The following GNA13 variants were observed in gnomAD, a reference collection of about 807,000 sequenced individuals.
GNA13 encodes the protein guanine nucleotide-binding protein subunit alpha-13.
GNA13 carries 4 observed loss-of-function variants against 33.5 expected under a neutral mutation model. That is an observed-to-expected ratio of 0.12 (90% CI 0.06 to 0.27). The LOEUF (loss-of-function observed/expected upper bound fraction) is 0.27. Among genes scored for constraint, GNA13 ranks in the 10% least tolerant of loss-of-function variants. The probability of loss-of-function intolerance (pLI) is 1.00; values close to 1 mark genes in which losing one functional copy is unlikely to be tolerated. For synonymous variants in GNA13, 176 were observed against 183.8 expected, an observed-to-expected ratio of 0.96 and a Z score of 0.34; for missense variants, 319 against 487.2, an observed-to-expected ratio of 0.65 and a Z score of 3.25.
chr17:65,031,593 T>A (rs1598487788), intron 2 of GNA13, among the ~76,000 whole-genome samples: 1 of 152,190 alleles, frequency 6.6e-6, no homozygotes. Flanking sequence ...TATCGTAAGG[T>A]TTTTATATAC....
At chr17:65,049,030 G>C (rs1449651580) in intron 2 of GNA13, among the ~76,000 whole-genome samples, 1 of 152,020 alleles carries the variant, frequency 6.6e-6, no homozygotes, top group African/African-American at 2.4e-5. Flanking sequence ...CCACTTCCTA[G>C]AAAATTAGGA....
intron 2 of GNA13, among the ~76,000 whole-genome samples, chr17:65,048,698 G>T (rs1210696929): frequency 6.6e-6 from 1 of 152,164 alleles, no homozygotes; most frequent in African/African-American, 2.4e-5. Context: ...CAAATGAGTA[G>T]TCTGCTAAAA....
At chr17:65,029,946 A>T (rs762491698) in intron 2 of GNA13, among the ~76,000 whole-genome samples, 4 of 152,098 alleles carry the variant, frequency 2.6e-5, no homozygotes, top group Non-Finnish European at 5.9e-5. Context: ...CAGAAAAGAG[A>T]TCAACTCAAA....
chr17:65,042,949 T>G (rs146060385), intron 2 of GNA13, among the ~76,000 whole-genome samples: 2 of 152,262 alleles, frequency 1.3e-5, no homozygotes, highest in Non-Finnish European at 2.9e-5. Context: ...TAAAGCCCAT[T>G]AGGAATATTA....
chr17:65,038,393 A>G (rs1437619086), intron 2 of GNA13, among the ~76,000 whole-genome samples: 1 of 71,290 alleles, frequency 1.4e-5, no homozygotes, highest in Non-Finnish European at 2.9e-5. Context: ...ACAGAGCAAG[A>G]CACCATCTCA....
chr17:65,033,789 C>T (rs1396740665), intron 2 of GNA13, among the ~76,000 whole-genome samples: 2 of 151,762 alleles, frequency 1.3e-5, no homozygotes, highest in East Asian at 1.9e-4. Context: ...CCGAGGTGGG[C>T]GGATCACAAG....
At chr17:65,045,742 G>T (rs1458028516) in intron 2 of GNA13, among the ~76,000 whole-genome samples, 1 of 152,120 alleles carries the variant, frequency 6.6e-6, no homozygotes, top group Non-Finnish European at 1.5e-5. Flanking sequence ...AGGATATTAG[G>T]AAAGTTCAGG....
In GNA13 at chr17:65,025,514, C is replaced by G. The variant is rs189670570; in HGVS notation, c.511-7211G>C. Among the ~76,000 whole-genome samples, 6 of 152,260 alleles carry G rather than the reference C, an allele frequency of 3.9e-5. No homozygotes were observed. In the South Asian group the frequency reaches 1.0e-3, roughly 26 times the overall value. ...ATACTCCAGATGTAACATTACTGAACGTGCTGAGAAGCGCGGATGGGAAAA... is the reference window on the plus strand; with the variant it reads ...ATACTCCAGATGTAACATTACTGAAGGTGCTGAGAAGCGCGGATGGGAAAA... On this transcript the variant is annotated intron_variant, in intron 2 of 3. Transcript: ENST00000439174.
In GNA13 at chr17:65,030,124, T is replaced by C. The variant is rs76057434; in HGVS notation, c.511-11821A>G. ...AGTGTTAACATCAATCAAAAAGACA[T>C]CCCATAAAAGTGATAAAGTATCCTG... is the stretch of plus-strand genomic sequence containing the variant. On this transcript the variant is annotated intron_variant, in intron 2 of 3. Coordinates refer to ENST00000439174, the MANE Select transcript of GNA13 (RefSeq NM_006572.6). Among the ~76,000 whole-genome samples, 568 of 152,174 alleles carry C rather than the reference T, an allele frequency of 3.7e-3. 3 individuals carry two copies. Among genetic ancestry groups the C allele is most frequent in the Non-Finnish European group, 6.0e-3 (411 of 67,990 alleles).
intron 1 of GNA13, 50 bp downstream of exon 1, chr17:65,056,261 G>A (rs1908053878): frequency 5.4e-6 from 3 of 560,722 alleles, no homozygotes; most frequent in Non-Finnish European, 6.0e-6. Context: ...ACCCGCCGCC[G>A]CCCCAGCCCC....
chr17:65,056,239 G>GCCCGGCCCCCCCCCCCCCCCCCCCCCCCC, intron 1 of GNA13, 72 bp downstream of exon 1: 10 of 936,162 alleles, frequency 1.1e-5, no homozygotes, highest in Admixed American at 2.2e-5. Flanking sequence ...CCAGGGCGGT[G>GCCCGGCCCCCCCCCCCCCCCCCCCCCCCC]CCCCGCCCCG....
chr17:65,050,361 C>T (rs1025976045), intron 2 of GNA13, among the ~76,000 whole-genome samples: 5 of 152,206 alleles, frequency 3.3e-5, no homozygotes, highest in Admixed American at 6.5e-5. Context: ...ATGCCAAGCA[C>T]CACAGCACAT....
intron 2 of GNA13, among the ~76,000 whole-genome samples, chr17:65,025,118 G>C (rs1057123695): frequency 6.6e-6 from 1 of 151,966 alleles, no homozygotes; most frequent in African/African-American, 2.4e-5. Flanking sequence ...GGGTGGTCTC[G>C]AACTCCTGGA....
chr17:65,050,507 C>T (rs1907824107), intron 2 of GNA13, among the ~76,000 whole-genome samples: 1 of 152,204 alleles, frequency 6.6e-6, no homozygotes, highest in Non-Finnish European at 1.5e-5. Flanking sequence ...GGCAGGAGGA[C>T]TGCTTGAGGT....
intron 2 of GNA13, among the ~76,000 whole-genome samples, chr17:65,022,689 AT>A (rs1196495466): frequency 5.3e-5 from 8 of 152,340 alleles, no homozygotes; most frequent in African/African-American, 1.7e-4. Flanking sequence ...TCACTGCAGA[AT>A]TTCTTCACCA....
At chr17:65,015,662 T>TA (rs59210481) in intron 3 of GNA13, among the ~76,000 whole-genome samples, 57,316 of 74,676 alleles carry the variant, frequency 0.77, 23,114 homozygotes, top group East Asian at 0.93. Flanking sequence ...GACTTTGTCT[T>TA]AAAAAAAAAA....
chr17:65,011,009 T>C lies in GNA13; in HGVS notation c.*3248A>G, dbSNP rs1450079425. 3 of 197,468 alleles carry C rather than the reference T, an allele frequency of 1.5e-5. No individual in the cohort carries two copies. The highest frequency in any genetic ancestry group is 3.1e-5 in the Non-Finnish European group (3 of 95,440). The allele number at this position is 197,468 out of a possible 1,614,324, so 12.2% of individuals were successfully genotyped here. ...GGTAACTTTATTCTTCATATATAAATAAGGCATAATCGGATGTGTATTAAT... is the reference window on the plus strand; with the variant it reads ...GGTAACTTTATTCTTCATATATAAACAAGGCATAATCGGATGTGTATTAAT... On this transcript the variant is annotated 3_prime_UTR_variant, in exon 4 of 4. Transcript: ENST00000439174.
intron 2 of GNA13, among the ~76,000 whole-genome samples, chr17:65,037,777 G>GAAAAAAAAAAAAAAAACAAAAAAA (rs145051963): frequency 1.2e-5 from 1 of 82,042 alleles, no homozygotes; most frequent in Non-Finnish European, 2.1e-5. Flanking sequence ...CTACAAAAAT[G>GAAAAAAAAAAAAAAAACAAAAAAA]GAAAAAAAAA....
chr17:65,036,449 T>C (rs983745335), intron 2 of GNA13, among the ~76,000 whole-genome samples: 5 of 152,224 alleles, frequency 3.3e-5, no homozygotes, highest in African/African-American at 4.8e-5. Context: ...CTCACGCCTG[T>C]AATCCCAGCA....
Sources: allele counts gnomAD v4.1 joint callset (sites outside exome capture counted in the v4.1 genomes callset), GRCh38; gene constraint gnomAD v4.1.1; transcripts MANE v1.5; gene names NCBI Gene and HGNC (gene_info 2026-07-23, HGNC 2026-07-21).